The following ARHGAP24 variants were observed in gnomAD, a reference collection of about 807,000 sequenced individuals.
The protein encoded by ARHGAP24 is Rho GTPase activating protein 24.
In ARHGAP24, 50 loss-of-function variants were observed where a neutral mutation model predicts 76.4. That is an observed-to-expected ratio of 0.65 (90% CI 0.52 to 0.83). The LOEUF (loss-of-function observed/expected upper bound fraction) is 0.83, where lower values mean the gene tolerates loss of function less well. ARHGAP24 is among the 40% of genes least tolerant of loss of function. The probability of loss-of-function intolerance (pLI) is 0.00; values close to 1 mark genes in which losing one functional copy is unlikely to be tolerated. For synonymous variants in ARHGAP24, 345 were observed against 323.3 expected, an observed-to-expected ratio of 1.07 and a Z score of -0.72; for missense variants, 930 against 914.2, an observed-to-expected ratio of 1.02 and a Z score of -0.22.
At chr4:85,662,997 G>C (rs1167326332) in intron 2 of ARHGAP24, among the ~76,000 whole-genome samples, 1 of 151,992 alleles carries the variant, frequency 6.6e-6, no homozygotes, top group African/African-American at 2.4e-5. Flanking sequence ...ACTTGGTGAT[G>C]CGGGCTCTTT....
At chr4:85,741,690 T>C (rs1412133536) in intron 3 of ARHGAP24, among the ~76,000 whole-genome samples, 2 of 152,194 alleles carry the variant, frequency 1.3e-5, no homozygotes, top group African/African-American at 2.4e-5. Context: ...TGAAACTGGC[T>C]GGAAGTTGAG....
chr4:85,926,046 G>GAAA (rs11440538), intron 4 of ARHGAP24, among the ~76,000 whole-genome samples: 23 of 146,988 alleles, frequency 1.6e-4, no homozygotes, highest in South Asian at 1.5e-3. Flanking sequence ...GTGACTTCCT[G>GAAA]AAAAAAAAAA....
At chr4:85,585,690 A>G (rs905328510) in intron 2 of ARHGAP24, among the ~76,000 whole-genome samples, 1 of 152,164 alleles carries the variant, frequency 6.6e-6, no homozygotes, top group Non-Finnish European at 1.5e-5. Flanking sequence ...TCCTTATTCC[A>G]TCTCCAAGGA....
intron 1 of ARHGAP24, among the ~76,000 whole-genome samples, chr4:85,527,956 G>C (rs1012236968): frequency 6.6e-6 from 1 of 152,044 alleles, no homozygotes. Context: ...TATGTGTCAG[G>C]AACATAAGTG....
intron 3 of ARHGAP24, among the ~76,000 whole-genome samples, chr4:85,887,166 T>C (rs1733609819): frequency 6.6e-6 from 1 of 152,158 alleles, no homozygotes; most frequent in Non-Finnish European, 1.5e-5. Flanking sequence ...ACTGGTGTAT[T>C]TACTGTCATG....
At chr4:85,515,003 C>T (rs1724439857) in intron 1 of ARHGAP24, among the ~76,000 whole-genome samples, 2 of 151,942 alleles carry the variant, frequency 1.3e-5, no homozygotes, top group South Asian at 2.1e-4. Flanking sequence ...GCTTACGGAG[C>T]GGGGGACTGC....
intron 1 of ARHGAP24, among the ~76,000 whole-genome samples, chr4:85,524,424 A>G (rs1418149926): frequency 6.6e-6 from 1 of 152,158 alleles, no homozygotes; most frequent in Non-Finnish European, 1.5e-5. Flanking sequence ...ACTGAAATAA[A>G]GTTTATATCA....
chr4:85,674,950 C>T (rs548359301), intron 2 of ARHGAP24, among the ~76,000 whole-genome samples: 10 of 152,278 alleles, frequency 6.6e-5, no homozygotes, highest in Non-Finnish European at 1.0e-4. Flanking sequence ...GCACAGATCT[C>T]GTCACAAGCA....
intron 4 of ARHGAP24, among the ~76,000 whole-genome samples, chr4:85,933,771 A>G (rs2148819054): frequency 6.6e-6 from 1 of 152,316 alleles, no homozygotes; most frequent in Non-Finnish European, 1.5e-5. Flanking sequence ...ACTTGGGTCT[A>G]GTCGTAAGAG....
chr4:85,782,634 T>C (rs1727618448), intron 3 of ARHGAP24, among the ~76,000 whole-genome samples: 1 of 152,190 alleles, frequency 6.6e-6, no homozygotes, highest in Non-Finnish European at 1.5e-5. Flanking sequence ...AGAGAAGATA[T>C]TGAGATTTCT....
At chr4:85,991,430 A>T (rs905954881) in intron 8 of ARHGAP24, 1 of 152,184 alleles carries the variant, frequency 6.6e-6, no homozygotes, top group Non-Finnish European at 1.5e-5. Flanking sequence ...AACACTATTC[A>T]TATTAGCCCC....
At position 85,543,643 on chromosome 4, in the gene ARHGAP24, A is replaced by G. The variant is rs538490519; in HGVS notation, c.-20-26879A>G. Among the ~76,000 whole-genome samples the G allele has an allele frequency of 4.6e-5, 7 of 152,264 alleles. No individual in the cohort carries two copies. The South Asian group carries it at 1.5e-3, about 32-fold the overall frequency. ...AATTGTGTTTATGATAGTGTTAATA[A>G]TATGATTATTTTTTCTAATTAATTG... On this transcript the variant is annotated intron_variant, in intron 1 of 9. Coordinates refer to ENST00000395184, the MANE Select transcript of ARHGAP24 (RefSeq NM_001025616.3).
At chr4:85,485,637 T>C (rs1723020968) in intron 1 of ARHGAP24, among the ~76,000 whole-genome samples, 1 of 151,598 alleles carries the variant, frequency 6.6e-6, no homozygotes, top group African/African-American at 2.4e-5. Flanking sequence ...GACTTCAGTC[T>C]CCTTACCTGT....
chr4:85,831,900 TAAAA>T (rs57600561), intron 3 of ARHGAP24, among the ~76,000 whole-genome samples: 3 of 137,434 alleles, frequency 2.2e-5, no homozygotes, highest in African/African-American at 2.7e-5. Context: ...AGACTCTATC[TAAAA>T]AAAAAAAAAA....
At chr4:85,725,650 A>G (rs541765977) in intron 3 of ARHGAP24, among the ~76,000 whole-genome samples, 126 of 152,198 alleles carry the variant, frequency 8.3e-4, no homozygotes, top group Non-Finnish European at 1.6e-3. Flanking sequence ...GCATTTGTGG[A>G]TTTTTCAGGG....
chr4:85,994,236 A>T (rs1040857633), intron 8 of ARHGAP24, among the ~76,000 whole-genome samples: 2 of 152,220 alleles, frequency 1.3e-5, no homozygotes, highest in Non-Finnish European at 2.9e-5. Flanking sequence ...TTAAGAGCCC[A>T]GGTTTTTAAT....
intron 5 of ARHGAP24, among the ~76,000 whole-genome samples, chr4:85,959,978 C>A (rs1738150475): frequency 6.6e-6 from 1 of 151,990 alleles, no homozygotes; most frequent in African/African-American, 2.4e-5. Context: ...AAAAAGTAAC[C>A]AGAGGCTTAG....
chr4:85,673,988 GTGT>G (rs149103334), intron 2 of ARHGAP24, among the ~76,000 whole-genome samples: 4,447 of 152,168 alleles, frequency 0.029, 207 homozygotes, highest in African/African-American at 0.1. Flanking sequence ...CTGGACTAAT[GTGT>G]TGTTAATAAT....
chr4:85,675,350 T>C (rs1722945628), intron 2 of ARHGAP24, among the ~76,000 whole-genome samples: 1 of 152,184 alleles, frequency 6.6e-6, no homozygotes, highest in South Asian at 2.1e-4. Flanking sequence ...ATGAATGTTT[T>C]CTATAGGAAA....
Sources: allele counts gnomAD v4.1 joint callset (sites outside exome capture counted in the v4.1 genomes callset), GRCh38; gene constraint gnomAD v4.1.1; transcripts MANE v1.5; gene names NCBI Gene and HGNC (gene_info 2026-07-23, HGNC 2026-07-21).